The following PCDHA7 variants were observed in gnomAD, a reference collection of about 807,000 sequenced individuals.
The protein encoded by PCDHA7 is protocadherin alpha-7.
PCDHA7 carries 37 observed loss-of-function variants against 57.2 expected under a neutral mutation model. The ratio of observed to expected loss-of-function variants is 0.65; its 90% confidence interval spans 0.50 to 0.85. PCDHA7 has a LOEUF of 0.85. PCDHA7 is among the 40% of genes least tolerant of loss of function. PCDHA7 has a pLI of 0.00. For synonymous variants in PCDHA7, 553 were observed against 558.8 expected (o/e 0.99, Z 0.15); for missense variants, 1,188 against 1,241.8 (o/e 0.96, Z 0.65).
intron 1 of PCDHA7, chr5:140,968,053 A>C: frequency 6.2e-7 from 1 of 1,614,154 alleles, no homozygotes; most frequent in Non-Finnish European, 8.5e-7. Flanking sequence ...CACTGGACCG[A>C]GAGCGGGTGG....
In PCDHA7 at chr5:141,010,301, A is replaced by G. The variant is rs1232797660; in HGVS notation, c.*364A>G. On this transcript the variant is annotated 3_prime_UTR_variant, in exon 4 of 4. Coordinates refer to ENST00000525929, the MANE Select transcript of PCDHA7 (RefSeq NM_018910.3). ...TTGATGACACTTGCAGGGCAGGCTG[A>G]AAAGTTTTGAGATTGAGCAGCTTGG... 1 of 1,548,942 alleles carries G rather than the reference A, an allele frequency of 6.5e-7. No individual in the cohort carries two copies. Among genetic ancestry groups the G allele is most frequent in the African/African-American group, 1.4e-5 (1 of 72,848 alleles).
At chr5:141,009,312 A>G (rs1355833857) in intron 3 of PCDHA7, among the ~76,000 whole-genome samples, 1 of 152,160 alleles carries the variant, frequency 6.6e-6, no homozygotes, top group Non-Finnish European at 1.5e-5. Context: ...TTAAAAAGCT[A>G]GCCTGGCATG....
At chr5:140,860,192 C>CATATATATAT (rs143984774) in intron 1 of PCDHA7, 4 of 146,816 alleles carry the variant, frequency 2.7e-5, no homozygotes, top group African/African-American at 7.5e-5. Context: ...GCTCTCCTTA[C>CATATATATAT]ATATATATCT....
At chr5:140,926,840 C>T (rs1427760232) in intron 1 of PCDHA7, 4 of 1,514,378 alleles carry the variant, frequency 2.6e-6, no homozygotes, top group South Asian at 2.7e-5. Flanking sequence ...GAGCATGGTC[C>T]TGGGTCACCG....
intron 1 of PCDHA7, chr5:140,869,887 C>A: frequency 1.9e-6 from 3 of 1,610,174 alleles, no homozygotes; most frequent in Non-Finnish European, 2.5e-6. Context: ...AACTCTTGTG[C>A]TCAAACTAAA....
chr5:140,835,952 G>A lies in PCDHA7; in HGVS notation c.1569G>A (p.Leu523=), dbSNP rs1366259888. 1.2e-6 allele frequency: 2 copies of A among 1,612,910 alleles called. No individual in the cohort carries two copies. The highest frequency in any genetic ancestry group is 1.7e-6 in the Non-Finnish European group (2 of 1,179,676). Residue 523 remains leucine, a synonymous_variant, in exon 1 of 4, where the codon TTG becomes TTA. Coordinates refer to ENST00000525929, the MANE Select transcript of PCDHA7 (RefSeq NM_018910.3). ...ESGKVYALQP[L]DHEELELLQF... ...GCAAGGTGTACGCGCTGCAGCCGTT[G>A]GACCACGAGGAGCTGGAGCTGTTGC...
chr5:141,000,365 C>CTG (rs2097904906), intron 3 of PCDHA7, among the ~76,000 whole-genome samples: 2 of 12,832 alleles, frequency 1.6e-4, no homozygotes, highest in Non-Finnish European at 2.6e-4. Flanking sequence ...CTCTCTGTCT[C>CTG]TCTCTCTCTC....
At chr5:140,941,202 CCTTTCTTTCTTCCTTT>C (rs1307053809) in intron 1 of PCDHA7, among the ~76,000 whole-genome samples, 1 of 122,742 alleles carries the variant, frequency 8.1e-6, no homozygotes, top group Non-Finnish European at 1.8e-5. Context: ...TTTCTTTCTT[CCTTTCTTTCTTCCTTT>C]CTTTCTTTCT....
chr5:140,852,888 T>C, intron 1 of PCDHA7: 1 of 920,092 alleles, frequency 1.1e-6, no homozygotes, highest in Non-Finnish European at 1.3e-6. Context: ...AAAACGTATT[T>C]TTTTTTTTGA....
At chr5:140,967,298 G>A in intron 1 of PCDHA7, 1 of 1,612,692 alleles carries the variant, frequency 6.2e-7, no homozygotes, top group Non-Finnish European at 8.5e-7. Flanking sequence ...CCCCGACGTG[G>A]GCGCCAACTC....
At chr5:140,961,271 AC>A (rs1460316643) in intron 1 of PCDHA7, among the ~76,000 whole-genome samples, 1 of 152,208 alleles carries the variant, frequency 6.6e-6, no homozygotes, top group Non-Finnish European at 1.5e-5. Context: ...GCTTCTTTTT[AC>A]CATGGCTCTG....
intron 1 of PCDHA7, chr5:140,929,159 A>C (rs781818133): frequency 1.2e-6 from 2 of 1,613,968 alleles, no homozygotes; most frequent in African/African-American, 1.3e-5. Context: ...ACTTATCTCT[A>C]TCGGGCCTCT....
At chr5:140,851,695 G>T in intron 1 of PCDHA7, 1 of 939,814 alleles carries the variant, frequency 1.1e-6, no homozygotes, top group Non-Finnish European at 1.3e-6. Flanking sequence ...GTGATAAAAT[G>T]ATCAGCCATG....
intron 1 of PCDHA7, chr5:140,848,514 G>A (rs1356493144): frequency 6.3e-7 from 1 of 1,590,674 alleles, no homozygotes; most frequent in Non-Finnish European, 8.6e-7. Context: ...CTCAAGTCGA[G>A]GAGATCCAGA....
intron 1 of PCDHA7, among the ~76,000 whole-genome samples, chr5:140,921,752 C>T (rs1429216387): frequency 6.6e-6 from 1 of 152,130 alleles, no homozygotes; most frequent in Non-Finnish European, 1.5e-5. Context: ...TAACAGGACA[C>T]TTCTTGGCTA....
intron 1 of PCDHA7, chr5:140,856,553 T>C (rs1319185539): frequency 6.3e-7 from 1 of 1,598,066 alleles, no homozygotes; most frequent in African/African-American, 1.3e-5. Context: ...ATTGCTTACT[T>C]ACAAACTCAG....
intron 1 of PCDHA7, chr5:140,877,376 G>A: frequency 6.2e-7 from 1 of 1,614,014 alleles, no homozygotes; most frequent in Non-Finnish European, 8.5e-7. Context: ...AGCACGACAC[G>A]CATCCTGGAT....
intron 1 of PCDHA7, chr5:140,857,205 G>A: frequency 6.3e-7 from 1 of 1,598,596 alleles, no homozygotes; most frequent in African/African-American, 1.3e-5. Flanking sequence ...CAGGTCACCT[G>A]CTCTCTGACG....
chr5:140,999,304 C>G (rs1587831145), intron 3 of PCDHA7, among the ~76,000 whole-genome samples: 2 of 152,190 alleles, frequency 1.3e-5, no homozygotes, highest in East Asian at 3.8e-4. Flanking sequence ...TTCAGAATTT[C>G]TTCATGACAG....
Sources: allele counts gnomAD v4.1 joint callset (sites outside exome capture counted in the v4.1 genomes callset), GRCh38; gene constraint gnomAD v4.1.1; transcripts MANE v1.5; gene names NCBI Gene and HGNC (gene_info 2026-07-23, HGNC 2026-07-21).